NRG4: variants seen among roughly 807,000 people sequenced by gnomAD.
NRG4 encodes the protein pro-neuregulin-4, membrane-bound isoform.
A neutral mutation model predicts 15.0 loss-of-function variants in NRG4; 10 were observed. The observed-to-expected ratio is 0.67, with a 90% CI of 0.41 to 1.13. NRG4 has a LOEUF of 1.13. Among genes scored for constraint, NRG4 ranks in the 50% most tolerant of loss-of-function variants. The probability of loss-of-function intolerance (pLI) is 0.00; values close to 1 mark genes in which losing one functional copy is unlikely to be tolerated. For synonymous variants in NRG4, 41 were observed against 50.1 expected, an observed-to-expected ratio of 0.82 and a Z score of 0.77; for missense variants, 139 against 140.2, an observed-to-expected ratio of 0.99 and a Z score of 0.04.
At chr15:76,035,604 A>G (rs901674720) in intron 5 of NRG4, among the ~76,000 whole-genome samples, 14 of 152,262 alleles carry the variant, frequency 9.2e-5, no homozygotes, top group African/African-American at 2.6e-4. Flanking sequence ...AGTGTTATAG[A>G]AATACATTTT....
At chr15:75,988,477 A>T (rs74024042) in intron 3 of NRG4, among the ~76,000 whole-genome samples, 6,031 of 152,268 alleles carry the variant, frequency 0.04, 217 homozygotes, top group African/African-American at 0.094. Flanking sequence ...ATGAGCCACC[A>T]CGTCCAGCCT....
chr15:76,034,201 A>T (rs915094988), intron 5 of NRG4, among the ~76,000 whole-genome samples: 1 of 152,224 alleles, frequency 6.6e-6, no homozygotes, highest in Non-Finnish European at 1.5e-5. Context: ...TAAGATATCT[A>T]TCTCTAAGCC....
chr15:75,941,441 T>G lies in NRG4; in HGVS notation c.*2197A>C, dbSNP rs2030943883. The G allele has an allele frequency of 6.6e-6, 1 of 152,172 alleles. No individual in the cohort carries two copies. The highest frequency in any genetic ancestry group is 2.1e-4 in the South Asian group (1 of 4,832). 9.4% of individuals were successfully genotyped at this position (152,172 alleles called of 1,614,324 possible). On this transcript the variant is annotated 3_prime_UTR_variant, in exon 6 of 6. Transcript: ENST00000394907. Reference sequence around the variant, plus strand: ...TTTCTGGGTATATACACAAAATAATTGAAAGCGGAGGCTTGAGGGTATATT... The same window carrying G: ...TTTCTGGGTATATACACAAAATAATGGAAAGCGGAGGCTTGAGGGTATATT...
At chr15:75,982,332 GACT>G (rs1310216154) in intron 3 of NRG4, among the ~76,000 whole-genome samples, 2 of 152,006 alleles carry the variant, frequency 1.3e-5, no homozygotes, top group Non-Finnish European at 2.9e-5. Context: ...TCAAAATCAG[GACT>G]AATAATACAA....
intron 4 of NRG4, among the ~76,000 whole-genome samples, chr15:75,956,462 C>A (rs2032248330): frequency 6.6e-6 from 1 of 152,034 alleles, no homozygotes; most frequent in Admixed American, 6.6e-5. Flanking sequence ...TTTGAGGTAA[C>A]AGTACATCAG....
intron 3 of NRG4, among the ~76,000 whole-genome samples, chr15:76,005,157 T>C (rs1023233260): frequency 6.6e-6 from 1 of 152,012 alleles, no homozygotes; most frequent in Admixed American, 6.6e-5. Flanking sequence ...GAGGATCACT[T>C]AAGGCCAGGA....
chr15:75,960,983 TAG>T lies in NRG4; in HGVS notation c.251+843_251+844del, dbSNP rs906992630. Among the ~76,000 whole-genome samples the T allele has an allele frequency of 8.3e-4, 127 of 152,326 alleles. 1 individual carries two copies. Among genetic ancestry groups the T allele is most frequent in the African/African-American group, 2.8e-3 (117 of 41,574 alleles). The stretch of plus-strand genomic sequence containing the variant: ...TTTTTAATTATTCCTTGATGTAAAG[TAG>T]TTAAGAAATCAGGATCTAACAAGAT... On this transcript the variant is annotated intron_variant, in intron 4 of 5. Transcript: ENST00000394907.
chr15:75,949,478 G>A (rs2031752893), intron 5 of NRG4, among the ~76,000 whole-genome samples: 1 of 151,184 alleles, frequency 6.6e-6, no homozygotes, highest in African/African-American at 2.4e-5. Context: ...ATATATTCTA[G>A]ACATGTCCTT....
chr15:75,972,249 C>T (rs560287159), intron 3 of NRG4, among the ~76,000 whole-genome samples: 3 of 151,962 alleles, frequency 2.0e-5, no homozygotes, highest in African/African-American at 7.2e-5. Context: ...GTTTAAGTTC[C>T]TTATGGATTC....
intron 3 of NRG4, among the ~76,000 whole-genome samples, chr15:75,975,951 C>T (rs2033345950): frequency 6.6e-6 from 1 of 152,142 alleles, no homozygotes; most frequent in South Asian, 2.1e-4. Context: ...GAGTGTTTTC[C>T]AACTTGGTTC....
chr15:75,984,546 C>T (rs1462256270), intron 3 of NRG4, among the ~76,000 whole-genome samples: 1 of 152,036 alleles, frequency 6.6e-6, no homozygotes, highest in Non-Finnish European at 1.5e-5. Flanking sequence ...AACAGAAAAC[C>T]AAACACCGCA....
chr15:76,032,879 A>G (rs1327940536), intron 5 of NRG4, among the ~76,000 whole-genome samples: 1 of 152,250 alleles, frequency 6.6e-6, no homozygotes, highest in Non-Finnish European at 1.5e-5. Context: ...GTAAAATATC[A>G]CTTTGGAAGT....
At chr15:76,013,894 T>C (rs1226056459), upstream of NRG4, among the ~76,000 whole-genome samples, 1 of 152,210 alleles carries the variant, frequency 6.6e-6, no homozygotes, top group African/African-American at 2.4e-5. Flanking sequence ...TATTTCTAGT[T>C]CTAGATCCTT....
At chr15:76,059,552 T>G (rs2036243429) in intron 1 of NRG4, 1 of 152,832 alleles carries the variant, frequency 6.5e-6, no homozygotes, top group African/African-American at 2.4e-5. Flanking sequence ...CACTTGTTGC[T>G]TCTGCGCCCC....
intron 4 of NRG4, among the ~76,000 whole-genome samples, chr15:76,051,287 G>A (rs2036007719): frequency 6.7e-6 from 1 of 149,868 alleles, no homozygotes. Flanking sequence ...TTACAGGCGT[G>A]AGCCACCGCG....
intron 3 of NRG4, among the ~76,000 whole-genome samples, chr15:76,008,280 T>A (rs1272321042): frequency 6.6e-6 from 1 of 152,180 alleles, no homozygotes; most frequent in Admixed American, 6.5e-5. Flanking sequence ...CTATTCCCCA[T>A]ATGAGAAGCC....
chr15:75,965,109 C>T (rs1420276645), intron 3 of NRG4, among the ~76,000 whole-genome samples: 1 of 151,766 alleles, frequency 6.6e-6, no homozygotes, highest in African/African-American at 2.4e-5. Flanking sequence ...GCCTGCAGTC[C>T]CAGCTACTTG....
intron 3 of NRG4, among the ~76,000 whole-genome samples, chr15:75,988,853 C>CTTTTT (rs71444946): frequency 1.8e-5 from 2 of 109,646 alleles, no homozygotes; most frequent in Non-Finnish European, 3.7e-5. Context: ...CTGCACCTTC[C>CTTTTT]TTTTTTTTTT....
chr15:76,052,412 AAGGCT>A (rs2036042515), intron 3 of NRG4, among the ~76,000 whole-genome samples: 1 of 151,148 alleles, frequency 6.6e-6, no homozygotes, highest in Non-Finnish European at 1.5e-5. Flanking sequence ...TTCCAAATAA[AAGGCT>A]AGGAGTTGGG....
Sources: gnomAD v4.1 joint callset for allele counts (sites outside exome capture counted in the v4.1 genomes callset) on GRCh38, gnomAD v4.1.1 for gene constraint, MANE v1.5 for transcripts, NCBI Gene and HGNC (gene_info 2026-07-23, HGNC 2026-07-21) for gene names.